Variants in ITPRID1 observed in about 807,000 individuals in gnomAD.
ITPRID1 encodes the protein ITPR interacting domain containing 1.
ITPRID1 carries 96 observed loss-of-function variants against 95.4 expected under a neutral mutation model. That is an observed-to-expected ratio of 1.01 (90% CI 0.85 to 1.19). The LOEUF (loss-of-function observed/expected upper bound fraction) is 1.19. Ranked by LOEUF, ITPRID1 falls within the 50% of genes most tolerant of loss-of-function variation. The probability of loss-of-function intolerance (pLI) is 0.00; values close to 1 mark genes in which losing one functional copy is unlikely to be tolerated. For synonymous variants in ITPRID1, 510 were observed against 453.6 expected (o/e 1.12, Z -1.58); for missense variants, 1,339 against 1,252.9 (o/e 1.07, Z -1.04).
At chr7:31,523,950 T>C (rs913417892) in intron 1 of ITPRID1, among the ~76,000 whole-genome samples, 7 of 152,346 alleles carry the variant, frequency 4.6e-5, no homozygotes, top group African/African-American at 1.7e-4. Flanking sequence ...GTAAAAGTGT[T>C]GGTTCTTCTT....
chr7:31,581,182 T>C (rs114802091), intron 9 of ITPRID1, among the ~76,000 whole-genome samples: 3,242 of 152,248 alleles, frequency 0.021, 110 homozygotes, highest in African/African-American at 0.073. Context: ...AAATATCTAG[T>C]TATCAGAATT....
At position 31,574,526 on chromosome 7, in the gene ITPRID1, A is replaced by AT. The variant is rs763690900; in HGVS notation, c.396-8dup. 141 of 1,610,060 alleles carry AT rather than the reference A, an allele frequency of 8.8e-5. No individual in the cohort carries two copies. The highest frequency in any genetic ancestry group is 7.1e-4 in the South Asian group (65 of 91,006). On this transcript the variant is annotated splice_polypyrimidine_tract_variant and intron_variant, in intron 7 of 14. Coordinates refer to ENST00000615280, the MANE Select transcript of ITPRID1 (RefSeq NM_001257967.3). ...ACTGTTTCTGGATAAAGATATTCATATTTTTTACCACAGCATTCCTGAATG... is the reference window on the plus strand; with the variant it reads ...ACTGTTTCTGGATAAAGATATTCATATTTTTTTACCACAGCATTCCTGAATG...
intron 9 of ITPRID1, among the ~76,000 whole-genome samples, chr7:31,580,440 T>G (rs1392309999): frequency 2.0e-5 from 3 of 152,038 alleles, no homozygotes; most frequent in African/African-American, 7.2e-5. Context: ...ACTAGACTGA[T>G]TTAGAGAAAA....
intron 5 of ITPRID1, among the ~76,000 whole-genome samples, chr7:31,562,836 C>T (rs1784671570): frequency 6.6e-6 from 1 of 152,166 alleles, no homozygotes; most frequent in Non-Finnish European, 1.5e-5. Flanking sequence ...CTGTTCTCCT[C>T]TCCTTCTTTT....
intron 10 of ITPRID1, among the ~76,000 whole-genome samples, chr7:31,598,017 G>C (rs1296912370): frequency 6.6e-6 from 1 of 152,104 alleles, no homozygotes; most frequent in Non-Finnish European, 1.5e-5. Context: ...GTGGAGAAAG[G>C]ATAAACATAA....
At position 31,551,934 on chromosome 7, in the gene ITPRID1, G is replaced by A. The variant is rs762630608; in HGVS notation, c.-23-1068G>A. The A allele has an allele frequency of 4.5e-5, 19 of 419,422 alleles. 1 individual carries two copies. The highest frequency in any genetic ancestry group is 8.2e-5 in the Non-Finnish European group (17 of 208,202). 26.0% of individuals were successfully genotyped at this position (419,422 alleles called of 1,614,324 possible). A position where few individuals can be genotyped will look rare whatever the true frequency, so the allele number is the denominator to read the frequency against. ...GTCATGGAAGTAATTGCATCAGAAAGTGTGGCTTGAAACCTCACTTTGCTA... is the reference window on the plus strand; with the variant it reads ...GTCATGGAAGTAATTGCATCAGAAAATGTGGCTTGAAACCTCACTTTGCTA... On this transcript the variant is annotated intron_variant, in intron 2 of 14. Transcript: ENST00000615280.
chr7:31,518,573 T>C (rs543138526), intron 1 of ITPRID1, among the ~76,000 whole-genome samples: 3 of 152,328 alleles, frequency 2.0e-5, no homozygotes, highest in East Asian at 3.9e-4. Flanking sequence ...CCATGAATTA[T>C]GATTTTCCAT....
intron 1 of ITPRID1, among the ~76,000 whole-genome samples, chr7:31,514,576 A>AGT (rs1160958675): frequency 6.6e-6 from 1 of 152,124 alleles, no homozygotes; most frequent in Admixed American, 6.5e-5. Context: ...GGAGAGAGAG[A>AGT]GTCCAGCAGG....
intron 10 of ITPRID1, among the ~76,000 whole-genome samples, chr7:31,625,636 G>A (rs552640986): frequency 5.9e-5 from 9 of 152,016 alleles, no homozygotes; most frequent in Non-Finnish European, 1.0e-4. Context: ...GTGGGAGGAG[G>A]GGGGAGGGAT....
intron 10 of ITPRID1, among the ~76,000 whole-genome samples, chr7:31,623,698 A>G (rs1788153888): frequency 7.6e-6 from 1 of 131,782 alleles, no homozygotes; most frequent in African/African-American, 2.7e-5. Flanking sequence ...CTGGCACAAG[A>G]CAGTTTTCAA....
intron 12 of ITPRID1, among the ~76,000 whole-genome samples, chr7:31,644,475 GGTGTGTTACTCTTAT>G (rs1342858042): frequency 2.6e-5 from 4 of 152,118 alleles, no homozygotes; most frequent in Admixed American, 2.6e-4. Flanking sequence ...TAATTGTGTG[GGTGTGTTACTCTTAT>G]ATGTGTTACT....
intron 12 of ITPRID1, among the ~76,000 whole-genome samples, chr7:31,648,948 A>G (rs1166926943): frequency 6.6e-6 from 1 of 152,216 alleles, no homozygotes; most frequent in Non-Finnish European, 1.5e-5. Flanking sequence ...CGTATCTATA[A>G]CAGATGCCCT....
chr7:31,526,969 T>C (rs943715475), intron 1 of ITPRID1, among the ~76,000 whole-genome samples: 1 of 152,236 alleles, frequency 6.6e-6, no homozygotes, highest in South Asian at 2.1e-4. Flanking sequence ...CTTATTGGCA[T>C]GCAAAGTCCT....
chr7:31,599,669 T>G (rs1786295683), intron 10 of ITPRID1, among the ~76,000 whole-genome samples: 2 of 136,240 alleles, frequency 1.5e-5, no homozygotes, highest in Non-Finnish European at 3.2e-5. Flanking sequence ...CCTTTCTCTC[T>G]CTCTCTCTCT....
chr7:31,602,338 T>C (rs1786430122), intron 10 of ITPRID1, among the ~76,000 whole-genome samples: 2 of 152,226 alleles, frequency 1.3e-5, no homozygotes, highest in African/African-American at 4.8e-5. Context: ...AAATTCACTC[T>C]ACAGTAGCAC....
At chr7:31,568,718 C>CA (rs1211314743) in intron 5 of ITPRID1, among the ~76,000 whole-genome samples, 2 of 152,188 alleles carry the variant, frequency 1.3e-5, no homozygotes, top group Non-Finnish European at 2.9e-5. Flanking sequence ...CGCTATCAGG[C>CA]AAATGAACAT....
intron 3 of ITPRID1, 133 bp from the exon 4 acceptor site, chr7:31,554,342 G>T: frequency 7.3e-7 from 1 of 1,364,230 alleles, no homozygotes; most frequent in Non-Finnish European, 9.5e-7. Context: ...GAAAAAAAAT[G>T]AATATGCTTA....
At chr7:31,637,878 T>C (rs973829823) in intron 10 of ITPRID1, among the ~76,000 whole-genome samples, 9 of 152,210 alleles carry the variant, frequency 5.9e-5, no homozygotes, top group African/African-American at 1.9e-4. Context: ...AGGTCTAACA[T>C]GTAAGTCTTT....
intron 1 of ITPRID1, among the ~76,000 whole-genome samples, chr7:31,535,595 A>G (rs952736965): frequency 9.2e-5 from 14 of 152,060 alleles, no homozygotes; most frequent in African/African-American, 3.4e-4. Flanking sequence ...TCTAACTCAT[A>G]TAATTTGTCT....
Sources: allele counts gnomAD v4.1 joint callset (sites outside exome capture counted in the v4.1 genomes callset), GRCh38; gene constraint gnomAD v4.1.1; transcripts MANE v1.5; gene names NCBI Gene and HGNC (gene_info 2026-07-23, HGNC 2026-07-21).